The following IGSF21 variants were observed in gnomAD, a reference collection of about 807,000 sequenced individuals.
IGSF21 encodes the protein immunoglobin superfamily member 21.
In IGSF21, 28 loss-of-function variants were observed where a neutral mutation model predicts 46.8. The ratio of observed to expected loss-of-function variants is 0.60; its 90% confidence interval spans 0.44 to 0.82. The LOEUF is 0.82. IGSF21 is among the 40% of genes least tolerant of loss of function. The pLI is 0.00. For synonymous variants in IGSF21, 284 were observed against 273.6 expected, an observed-to-expected ratio of 1.04 and a Z score of -0.38; for missense variants, 624 against 665.5, an observed-to-expected ratio of 0.94 and a Z score of 0.69.
chr1:18,359,387 G>GAAAGAAAGAAAGAAA (rs1557659651), intron 4 of IGSF21, among the ~76,000 whole-genome samples: 1 of 33,858 alleles, frequency 3.0e-5, no homozygotes, highest in Non-Finnish European at 5.9e-5. Flanking sequence ...AGAAAGAAAG[G>GAAAGAAAGAAAGAAA]AAGGAAGGAA....
In IGSF21 at chr1:18,280,599, A is replaced by G. The variant is rs147416020; in HGVS notation, c.184-11267A>G. Among the ~76,000 whole-genome samples the G allele has an allele frequency of 6.6e-5, 10 of 152,216 alleles. No homozygotes were observed. The East Asian group carries it at 1.5e-3, about 24-fold the overall frequency. On this transcript the variant is annotated intron_variant, in intron 2 of 9. Coordinates refer to ENST00000251296, the MANE Select transcript of IGSF21 (RefSeq NM_032880.5). Reference sequence around the variant, plus strand: ...ATCCTCCACCCTAGATGGTGGTGCTATTGCTATCCTCATTTTACAGGTAAG... The same window carrying G: ...ATCCTCCACCCTAGATGGTGGTGCTGTTGCTATCCTCATTTTACAGGTAAG...
intron 1 of IGSF21, among the ~76,000 whole-genome samples, chr1:18,136,884 C>T (rs1264668371): frequency 6.6e-6 from 1 of 152,162 alleles, no homozygotes; most frequent in African/African-American, 2.4e-5. Context: ...TTTTCCTACC[C>T]ATGAGCATGG....
At chr1:18,367,784 T>A (rs1307753512) in intron 6 of IGSF21, among the ~76,000 whole-genome samples, 8 of 144,400 alleles carry the variant, frequency 5.5e-5, no homozygotes, top group African/African-American at 1.8e-4. Context: ...TTTTTTTTTT[T>A]AATAGAGGTG....
chr1:18,286,162 C>T (rs2085210477), intron 2 of IGSF21, among the ~76,000 whole-genome samples: 1 of 152,208 alleles, frequency 6.6e-6, no homozygotes, highest in African/African-American at 2.4e-5. Context: ...CTTCTGCTCC[C>T]TTCTTTTGGA....
chr1:18,222,399 C>A (rs1397347380), intron 1 of IGSF21, among the ~76,000 whole-genome samples: 2 of 152,208 alleles, frequency 1.3e-5, no homozygotes, highest in African/African-American at 4.8e-5. Flanking sequence ...TACCTTGGAG[C>A]TGTCTTTCCT....
intron 1 of IGSF21, chr1:18,111,218 G>A (rs1217774603): frequency 6.6e-6 from 1 of 152,230 alleles, no homozygotes; most frequent in Non-Finnish European, 1.5e-5. Context: ...GGGAGTTAAG[G>A]GCCCTAATCC....
intron 3 of IGSF21, among the ~76,000 whole-genome samples, chr1:18,333,125 C>T (rs1345951048): frequency 6.6e-6 from 1 of 152,178 alleles, no homozygotes; most frequent in African/African-American, 2.4e-5. Context: ...AGAGCCTGAG[C>T]GCCAACCAAC....
At chr1:18,364,876 C>A (rs1276826671) in intron 5 of IGSF21, among the ~76,000 whole-genome samples, 1 of 152,170 alleles carries the variant, frequency 6.6e-6, no homozygotes, top group Non-Finnish European at 1.5e-5. Context: ...AGGCCGAAGT[C>A]CCCATTTCCC....
intron 1 of IGSF21, among the ~76,000 whole-genome samples, chr1:18,144,114 G>A (rs956619774): frequency 2.0e-5 from 3 of 152,124 alleles, no homozygotes; most frequent in African/African-American, 7.2e-5. Flanking sequence ...ACTCTGTTCC[G>A]TTTTCTGTTC....
At chr1:18,149,790 C>A (rs1454707492) in intron 1 of IGSF21, among the ~76,000 whole-genome samples, 1 of 152,104 alleles carries the variant, frequency 6.6e-6, no homozygotes, top group African/African-American at 2.4e-5. Flanking sequence ...TTCCCCTCCC[C>A]CATTGTTTCT....
intron 2 of IGSF21, among the ~76,000 whole-genome samples, chr1:18,247,011 C>A (rs994130677): frequency 6.6e-6 from 1 of 150,926 alleles, no homozygotes; most frequent in Non-Finnish European, 1.5e-5. Context: ...GGCGCAGAGA[C>A]GTGATGTGAA....
At chr1:18,270,860 G>A (rs1231089591) in intron 2 of IGSF21, among the ~76,000 whole-genome samples, 2 of 152,024 alleles carry the variant, frequency 1.3e-5, no homozygotes, top group African/African-American at 2.4e-5. Flanking sequence ...CCGCATGTGC[G>A]ATTTGACACA....
intron 2 of IGSF21, among the ~76,000 whole-genome samples, chr1:18,274,430 A>G (rs945672231): frequency 4.6e-5 from 7 of 152,390 alleles, no homozygotes; most frequent in African/African-American, 1.7e-4. Flanking sequence ...TCAGACAGGT[A>G]GATGAGGAAA....
intron 1 of IGSF21, among the ~76,000 whole-genome samples, chr1:18,131,812 A>G (rs528768441): frequency 6.6e-6 from 1 of 152,134 alleles, no homozygotes; most frequent in Admixed American, 6.5e-5. Context: ...ACTTCTTATA[A>G]GCCTGGAAGT....
chr1:18,365,352 A>G lies in IGSF21; in HGVS notation c.670A>G (p.Lys224Glu). The G allele has an allele frequency of 6.2e-7, 1 of 1,614,034 alleles. No individual in the cohort carries two copies. The highest frequency in any genetic ancestry group is 1.1e-5 in the South Asian group (1 of 91,072). ...TCTGCACCGTGACCTGGATGACACC[A>G]AGATGCAGAAGTCACTGTCCCTCCT... Reference protein sequence around the residue: ...SLLHRDLDDTKMQKSLSLLDA... With the variant: ...SLLHRDLDDTEMQKSLSLLDA... Residue 224 changes from lysine (K) to glutamate (E), a missense_variant, in exon 6 of 10, where the codon AAG becomes GAG. Coordinates refer to ENST00000251296, the MANE Select transcript of IGSF21 (RefSeq NM_032880.5). The surrounding 1 kb of genome is among the most constrained non-coding windows in gnomAD (Gnocchi z 4.8).
chr1:18,279,335 A>G (rs1468302931), intron 2 of IGSF21, among the ~76,000 whole-genome samples: 1 of 152,188 alleles, frequency 6.6e-6, no homozygotes, highest in Non-Finnish European at 1.5e-5. Context: ...GAGAAGAGGG[A>G]CATTGTCTAA....
intron 1 of IGSF21, among the ~76,000 whole-genome samples, chr1:18,145,976 G>A (rs2086463678): frequency 6.6e-6 from 1 of 152,178 alleles, no homozygotes; most frequent in African/African-American, 2.4e-5. Flanking sequence ...GGGGAGAAAA[G>A]TGTGGCTTCT....
At chr1:18,260,446 C>G (rs934598733) in intron 2 of IGSF21, among the ~76,000 whole-genome samples, 1 of 152,230 alleles carries the variant, frequency 6.6e-6, no homozygotes, top group African/African-American at 2.4e-5. Flanking sequence ...TCTATTGAAG[C>G]GGCAGTGCGC....
chr1:18,313,110 G>T (rs955651264), intron 3 of IGSF21, among the ~76,000 whole-genome samples: 2 of 152,164 alleles, frequency 1.3e-5, no homozygotes, highest in Non-Finnish European at 2.9e-5. Context: ...GAGCAGACCC[G>T]CCGGGTACCG....
Sources: gnomAD v4.1 joint callset for allele counts (sites outside exome capture counted in the v4.1 genomes callset) on GRCh38, gnomAD v4.1.1 for gene constraint, Gnocchi (gnomAD v3.1) non-coding constraint, MANE v1.5 for transcripts, NCBI Gene and HGNC (gene_info 2026-07-23, HGNC 2026-07-21) for gene names.